Variants in AGBL1 observed in about 807,000 individuals in gnomAD.
AGBL1 encodes the protein cytosolic carboxypeptidase 4.
In AGBL1, 130 loss-of-function variants were observed where a neutral mutation model predicts 118.9. The observed-to-expected ratio is 1.09, with a 90% CI of 0.95 to 1.26. AGBL1 has a LOEUF of 1.26. Ranked by LOEUF, AGBL1 falls within the 50% of genes most tolerant of loss-of-function variation. AGBL1 has a pLI of 0.00. For missense variants in AGBL1, 1,584 were observed against 1,298.1 expected (o/e 1.22, Z -3.38); for synonymous variants, 555 against 478.9 (o/e 1.16, Z -2.08).
At chr15:86,312,390 A>G (rs1672224283) in intron 17 of AGBL1, 2 of 152,232 alleles carry the variant, frequency 1.3e-5, no homozygotes, top group African/African-American at 4.8e-5. Flanking sequence ...TCCCTTCACA[A>G]GAGAGATTTG....
intron 22 of AGBL1, among the ~76,000 whole-genome samples, chr15:86,696,570 C>T (rs970943257): frequency 6.6e-6 from 1 of 151,856 alleles, no homozygotes; most frequent in Non-Finnish European, 1.5e-5. Context: ...TTAAGTGAAA[C>T]ATTTAGGCCA....
At chr15:86,904,290 C>T (rs28657734) in intron 22 of AGBL1, among the ~76,000 whole-genome samples, 1,611 of 152,180 alleles carry the variant, frequency 0.011, 34 homozygotes, top group African/African-American at 0.037. Context: ...GGCCCTGATA[C>T]GGTCTGCCTT....
intron 23 of AGBL1, among the ~76,000 whole-genome samples, chr15:86,928,420 T>G (rs2141631218): frequency 6.6e-6 from 1 of 152,296 alleles, no homozygotes; most frequent in Non-Finnish European, 1.5e-5. Flanking sequence ...AAATCAATCC[T>G]GACAATGAAC....
chr15:86,579,662 A>G (rs1192755328), intron 21 of AGBL1, among the ~76,000 whole-genome samples: 1 of 152,218 alleles, frequency 6.6e-6, no homozygotes, highest in Non-Finnish European at 1.5e-5. Context: ...ATCCATTGAT[A>G]AGATTTAAAA....
intron 22 of AGBL1, among the ~76,000 whole-genome samples, chr15:86,825,110 A>T (rs1313895183): frequency 6.6e-6 from 1 of 151,880 alleles, no homozygotes; most frequent in African/African-American, 2.4e-5. Flanking sequence ...AGAATTCAGA[A>T]CTCAACCTAC....
At chr15:86,633,403 C>T (rs2085011138) in intron 21 of AGBL1, among the ~76,000 whole-genome samples, 1 of 152,034 alleles carries the variant, frequency 6.6e-6, no homozygotes, top group African/African-American at 2.4e-5. Flanking sequence ...TCAACAGGAC[C>T]TGTTTATGAA....
intron 9 of AGBL1, among the ~76,000 whole-genome samples, chr15:86,262,229 A>G (rs1171644018): frequency 1.3e-5 from 2 of 151,924 alleles, no homozygotes; most frequent in African/African-American, 4.8e-5. Context: ...TAACTGTTGG[A>G]AATTAACTTA....
chr15:86,135,632 C>T (rs1330467709), intron 1 of AGBL1, among the ~76,000 whole-genome samples: 1 of 152,160 alleles, frequency 6.6e-6, no homozygotes. Flanking sequence ...TGAATGCCTA[C>T]TGTGTGAAAG....
chr15:86,828,281 A>T (rs531908111), intron 22 of AGBL1, among the ~76,000 whole-genome samples: 1 of 152,134 alleles, frequency 6.6e-6, no homozygotes, highest in East Asian at 1.9e-4. Context: ...TTTCTTGATC[A>T]TTCTGGCAGG....
At chr15:86,165,160 C>A (rs115793799) in intron 5 of AGBL1, among the ~76,000 whole-genome samples, 99 of 152,246 alleles carry the variant, frequency 6.5e-4, no homozygotes, top group African/African-American at 2.3e-3. Context: ...GCAAATTCTT[C>A]ACCTTAGTCT....
chr15:86,258,494 C>G (rs1005942803), intron 9 of AGBL1, among the ~76,000 whole-genome samples: 1 of 152,184 alleles, frequency 6.6e-6, no homozygotes, highest in African/African-American at 2.4e-5. Context: ...GCACAGTGCA[C>G]AACCTGGCCA....
At chr15:86,748,552 T>G (rs1368709497) in intron 22 of AGBL1, among the ~76,000 whole-genome samples, 1 of 120,332 alleles carries the variant, frequency 8.3e-6, no homozygotes, top group Non-Finnish European at 1.7e-5. Context: ...TTTTTGCCAT[T>G]GCTTTTGGTG....
intron 21 of AGBL1, among the ~76,000 whole-genome samples, chr15:86,600,015 A>G (rs1380981058): frequency 6.6e-6 from 1 of 152,146 alleles, no homozygotes; most frequent in Non-Finnish European, 1.5e-5. Context: ...TTTAGTCCCA[A>G]AATTATGGTA....
intron 21 of AGBL1, among the ~76,000 whole-genome samples, chr15:86,651,164 C>T (rs774955348): frequency 6.6e-6 from 1 of 152,140 alleles, no homozygotes; most frequent in Non-Finnish European, 1.5e-5. Context: ...CTGACCACAG[C>T]CTCAGAGTTC....
intron 5 of AGBL1, among the ~76,000 whole-genome samples, chr15:86,195,825 T>G (rs941483349): frequency 6.6e-6 from 1 of 152,196 alleles, no homozygotes; most frequent in African/African-American, 2.4e-5. Context: ...CCTGGGGGAT[T>G]TTTGCTTTTT....
intron 18 of AGBL1, among the ~76,000 whole-genome samples, chr15:86,520,970 T>A (rs910190401): frequency 6.6e-6 from 1 of 152,152 alleles, no homozygotes; most frequent in Non-Finnish European, 1.5e-5. Context: ...GCAGAACTGA[T>A]AAACTCTATT....
chr15:86,575,130 C>G (rs144921001), intron 21 of AGBL1, among the ~76,000 whole-genome samples: 48 of 151,376 alleles, frequency 3.2e-4, no homozygotes, highest in African/African-American at 1.0e-3. Context: ...TGGAGGTGAC[C>G]GTGAGCCAAG....
chr15:86,149,191 C>T (rs903432662), intron 3 of AGBL1, among the ~76,000 whole-genome samples: 10 of 152,126 alleles, frequency 6.6e-5, no homozygotes, highest in East Asian at 3.8e-4. Context: ...TTGTAAAGAC[C>T]GTTGATGCTA....
At chr15:86,817,461 G>GAGAC (rs769225366) in intron 22 of AGBL1, among the ~76,000 whole-genome samples, 33 of 61,382 alleles carry the variant, frequency 5.4e-4, no homozygotes, top group Admixed American at 4.9e-3. Context: ...GTCTCTGAGA[G>GAGAC]ATACACACAC....
Sources: gnomAD v4.1 joint callset for allele counts (sites outside exome capture counted in the v4.1 genomes callset) on GRCh38, gnomAD v4.1.1 for gene constraint, MANE v1.5 for transcripts, NCBI Gene and HGNC (gene_info 2026-07-23, HGNC 2026-07-21) for gene names.